PTPRQ: variants seen among roughly 807,000 people sequenced by gnomAD.
The protein encoded by PTPRQ is phosphatidylinositol phosphatase PTPRQ.
A neutral mutation model predicts 246.0 loss-of-function variants in PTPRQ; 199 were observed. The observed-to-expected ratio is 0.81, with a 90% CI of 0.72 to 0.91. PTPRQ has a LOEUF of 0.91. Ranked by LOEUF, PTPRQ falls within the 40% of genes least tolerant of loss-of-function variation. The probability of loss-of-function intolerance (pLI) is 0.00; values close to 1 mark genes in which losing one functional copy is unlikely to be tolerated. For synonymous variants in PTPRQ, 869 were observed against 853.2 expected, an observed-to-expected ratio of 1.02 and a Z score of -0.32; for missense variants, 2,624 against 2,528.4, an observed-to-expected ratio of 1.04 and a Z score of -0.81.
At chr12:80,502,542 T>C (rs1894835253) in intron 14 of PTPRQ, among the ~76,000 whole-genome samples, 2 of 151,962 alleles carry the variant, frequency 1.3e-5, no homozygotes, top group Non-Finnish European at 2.9e-5. Flanking sequence ...TAATTCCAAT[T>C]GTAATTTTCC....
chr12:80,589,699 G>T (rs943047220), intron 26 of PTPRQ, among the ~76,000 whole-genome samples: 7 of 152,130 alleles, frequency 4.6e-5, no homozygotes, highest in African/African-American at 1.7e-4. Flanking sequence ...GACATTTGAG[G>T]TAGAATCCTG....
intron 6 of PTPRQ, among the ~76,000 whole-genome samples, chr12:80,467,198 A>G (rs1487525512): frequency 2.0e-5 from 3 of 152,206 alleles, no homozygotes; most frequent in African/African-American, 4.8e-5. Flanking sequence ...TGGGCGAAGG[A>G]CATGAACAGA....
At position 80,635,072 on chromosome 12, in the gene PTPRQ, C is replaced by G; in HGVS notation, c.5914C>G (p.Arg1972Gly). 1.3e-6 allele frequency: 2 copies of G among 1,550,574 alleles called. No homozygotes were observed. Among genetic ancestry groups the G allele is most frequent in the Non-Finnish European group, 1.7e-6 (2 of 1,146,492 alleles). ...GGAACTGAAGGACGAGAGATTAACG[C>G]GGTGAGCACACTCCTCTGGGTGAAC... The part of the protein sequence containing the change: ...DLELKDERLT[R>G]LLSYRKSIKP... The change falls in exon 35 of 45, where the codon CGG becomes GGG. Residue 1972 changes from arginine (R) to glycine (G), a missense_variant and splice_region_variant. Transcript: ENST00000644991.
chr12:80,577,947 A>G (rs1897318154), intron 25 of PTPRQ, among the ~76,000 whole-genome samples: 1 of 152,176 alleles, frequency 6.6e-6, no homozygotes, highest in Admixed American at 6.5e-5. Flanking sequence ...AGAGTTGCAC[A>G]TGAACGGTAT....
intron 34 of PTPRQ, among the ~76,000 whole-genome samples, chr12:80,634,236 G>A (rs11114538): frequency 0.28 from 42,452 of 151,886 alleles, 6,545 homozygotes; most frequent in African/African-American, 0.39. Flanking sequence ...CATCCTTGAT[G>A]TCCAACTCTT....
chr12:80,578,866 T>C (rs573045747), intron 25 of PTPRQ, among the ~76,000 whole-genome samples: 178 of 152,330 alleles, frequency 1.2e-3, no homozygotes, highest in African/African-American at 4.2e-3. Context: ...TTATTTGCGA[T>C]AACAAAGATT....
chr12:80,636,367 A>G (rs1419556701), intron 35 of PTPRQ, among the ~76,000 whole-genome samples: 2 of 152,258 alleles, frequency 1.3e-5, no homozygotes, highest in Admixed American at 1.3e-4. Context: ...AAGTAAAACC[A>G]TATCATAGGA....
intron 28 of PTPRQ, among the ~76,000 whole-genome samples, chr12:80,610,881 A>G (rs1025405787): frequency 1.4e-4 from 21 of 150,430 alleles, no homozygotes; most frequent in African/African-American, 5.1e-4. Context: ...ATTTCTTTGC[A>G]CTTATTTAAT....
chr12:80,536,161 T>A (rs1275406002), intron 19 of PTPRQ, among the ~76,000 whole-genome samples: 2 of 152,150 alleles, frequency 1.3e-5, no homozygotes, highest in African/African-American at 4.8e-5. Context: ...ACAGAATACA[T>A]CCCTTAGTGG....
chr12:80,538,211 C>T (rs1213564435), intron 19 of PTPRQ, among the ~76,000 whole-genome samples: 1 of 152,088 alleles, frequency 6.6e-6, no homozygotes, highest in Non-Finnish European at 1.5e-5. Context: ...AAGAATAAGC[C>T]TTACTTAGAT....
At chr12:80,533,187 G>A (rs1895893007) in intron 17 of PTPRQ, among the ~76,000 whole-genome samples, 1 of 151,704 alleles carries the variant, frequency 6.6e-6, no homozygotes, top group Admixed American at 6.6e-5. Context: ...ACATTTTTCA[G>A]CATCACTATA....
At chr12:80,482,063 G>C (rs935331331) in intron 8 of PTPRQ, among the ~76,000 whole-genome samples, 1 of 151,162 alleles carries the variant, frequency 6.6e-6, no homozygotes, top group Non-Finnish European at 1.5e-5. Flanking sequence ...AGCCCGCATC[G>C]CCAAGTCAAT....
chr12:80,545,974 A>G (rs1196237629), intron 23 of PTPRQ, among the ~76,000 whole-genome samples: 2 of 152,020 alleles, frequency 1.3e-5, no homozygotes, highest in African/African-American at 2.4e-5. Flanking sequence ...AAAAATGAGT[A>G]TATAATTCCA....
At position 80,457,673 on chromosome 12, in the gene PTPRQ, G is replaced by A. The variant is rs11114457; in HGVS notation, c.460+29G>A. The A allele has an allele frequency of 0.19, 76,552 of 399,608 alleles. 8,182 individuals are homozygous for A. Among genetic ancestry groups the A allele is most frequent in the Non-Finnish European group, 0.23 (50,954 of 225,538 alleles). The allele number at this position is 399,608 out of a possible 1,614,324, so 24.8% of individuals were successfully genotyped here. On this transcript the variant is annotated intron_variant, in intron 4 of 44. Coordinates refer to ENST00000644991, the MANE Select transcript of PTPRQ (RefSeq NM_001145026.2). ...ATTTTCCTGTCATTTATTTTAAATT[G>A]ACTTAGTCATGAGTTTGTCGTTTAA...
intron 35 of PTPRQ, among the ~76,000 whole-genome samples, chr12:80,648,503 C>G (rs1447702409): frequency 4.6e-5 from 7 of 152,046 alleles, no homozygotes; most frequent in Non-Finnish European, 8.8e-5. Flanking sequence ...TTCATTCTGT[C>G]TGGTTCAACA....
chr12:80,591,120 CTTTTTTTT>C (rs757029945), intron 26 of PTPRQ, among the ~76,000 whole-genome samples: 24 of 77,388 alleles, frequency 3.1e-4, no homozygotes, highest in Admixed American at 2.9e-3. Context: ...TTGATCATTG[CTTTTTTTT>C]TTTTTTTTTT....
At chr12:80,557,342 G>T (rs1565784676) in intron 25 of PTPRQ, among the ~76,000 whole-genome samples, 1 of 151,370 alleles carries the variant, frequency 6.6e-6, no homozygotes, top group Admixed American at 6.6e-5. Context: ...TTCTCTTTTG[G>T]ATATATTATA....
intron 6 of PTPRQ, among the ~76,000 whole-genome samples, chr12:80,463,492 A>G (rs371679761): frequency 1.3e-5 from 2 of 152,214 alleles, no homozygotes; most frequent in East Asian, 1.9e-4. Flanking sequence ...GCAGGCCAAC[A>G]TTCAGATTCA....
At chr12:80,557,575 A>G (rs1030961891) in intron 25 of PTPRQ, among the ~76,000 whole-genome samples, 7 of 152,104 alleles carry the variant, frequency 4.6e-5, no homozygotes, top group African/African-American at 1.4e-4. Context: ...TTGCAGTCAC[A>G]AAACAATTTT....
Sources: allele counts gnomAD v4.1 joint callset (sites outside exome capture counted in the v4.1 genomes callset), GRCh38; gene constraint gnomAD v4.1.1; transcripts MANE v1.5; gene names NCBI Gene and HGNC (gene_info 2026-07-23, HGNC 2026-07-21).